Variants in FYB1 observed in about 807,000 individuals in gnomAD.
The protein encoded by FYB1 is FYN binding protein 1.
A neutral mutation model predicts 94.1 loss-of-function variants in FYB1; 41 were observed. That is an observed-to-expected ratio of 0.44 (90% CI 0.34 to 0.57). The LOEUF (loss-of-function observed/expected upper bound fraction) is 0.57. FYB1 is among the 20% of genes least tolerant of loss of function. The pLI, the probability that FYB1 is intolerant of heterozygous loss-of-function variation, is 0.02. For synonymous variants in FYB1, 367 were observed against 353.2 expected (o/e 1.04, Z -0.44); for missense variants, 1,050 against 976.8 (o/e 1.07, Z -1.00).
chr5:39,175,509 A>G (rs1451341574), intron 2 of FYB1, among the ~76,000 whole-genome samples: 6 of 152,198 alleles, frequency 3.9e-5, no homozygotes, highest in Non-Finnish European at 5.9e-5. Context: ...TCTGGGACTT[A>G]TAAAAGAGAA....
intron 1 of FYB1, chr5:39,208,748 G>A (rs965057325): frequency 1.3e-5 from 2 of 152,166 alleles, no homozygotes; most frequent in Non-Finnish European, 2.9e-5. Context: ...CAGGTTCTGT[G>A]GGGGTGATGC....
At position 39,118,915 on chromosome 5, in the gene FYB1, G is replaced by T; in HGVS notation, c.2360C>A (p.Thr787Lys). The T allele has an allele frequency of 1.3e-6, 2 of 1,552,328 alleles. No homozygotes were observed. Among genetic ancestry groups the T allele is most frequent in the Non-Finnish European group, 8.7e-7 (1 of 1,144,136 alleles). The change falls in exon 16 of 19, where the codon ACA (threonine) becomes AAA (lysine). Residue 787 changes from threonine to lysine, a missense_variant. Coordinates refer to ENST00000512982, the MANE Select transcript of FYB1 (RefSeq NM_001465.6). ...PGESLEVIQTTDDTKVLCRNE... is the reference protein window; with the variant it reads ...PGESLEVIQTKDDTKVLCRNE... ...TCTGCAGAGAACTTTTGTGTCATCT[G>T]TGGTTTGTATAACTTCTAGAGATTC...
chr5:39,209,618 C>T (rs1749177780), intron 1 of FYB1, among the ~76,000 whole-genome samples: 14 of 152,118 alleles, frequency 9.2e-5, no homozygotes, highest in Admixed American at 8.5e-4. Flanking sequence ...CGTGAGCCAC[C>T]GCACCCGGCC....
chr5:39,236,193 T>C lies in FYB1; in HGVS notation c.-27-33206A>G, dbSNP rs933556807. Among the ~76,000 whole-genome samples, 4 of 152,024 alleles carry C rather than the reference T, an allele frequency of 2.6e-5. 1 individual carries two copies. In the South Asian group the frequency reaches 8.3e-4, roughly 31 times the overall value. The stretch of plus-strand genomic sequence containing the variant: ...GTTAATGAGAAGATTAACACACCAT[T>C]TCCTTTGCTTTGAAGTTAAGGATAA... On this transcript the variant is annotated intron_variant, in intron 1 of 1. Coordinates refer to the FYB1 transcript ENST00000510188.
chr5:39,241,349 A>G (rs1751196458), intron 1 of FYB1, among the ~76,000 whole-genome samples: 2 of 152,210 alleles, frequency 1.3e-5, no homozygotes, highest in African/African-American at 2.4e-5. Context: ...ATAAGGCATC[A>G]CTACAACAGG....
chr5:39,259,329 C>T (rs1299315714), intron 1 of FYB1, among the ~76,000 whole-genome samples: 2 of 152,212 alleles, frequency 1.3e-5, no homozygotes, highest in Non-Finnish European at 1.5e-5. Context: ...TACAGCACAG[C>T]ACCAGGAGCT....
At chr5:39,189,329 C>T (rs928215950) in intron 2 of FYB1, among the ~76,000 whole-genome samples, 1 of 150,130 alleles carries the variant, frequency 6.7e-6, no homozygotes, top group Admixed American at 6.7e-5. Flanking sequence ...TTTGGGACAA[C>T]TCAGTTTCCG....
Position 39,109,893 on chromosome 5 carries a change from A to G in FYB1, c.2435+463T>C, listed in dbSNP as rs184455705. On this transcript the variant is annotated intron_variant, in intron 17 of 18. Coordinates refer to ENST00000512982, the MANE Select transcript of FYB1 (RefSeq NM_001465.6). ...TCCATAAAAGGCAACATAGTACTCT[A>G]CTATGCCTAGTGTGAGTGAAGCAAA... Among the ~76,000 whole-genome samples the G allele has an allele frequency of 1.8e-3, 273 of 152,256 alleles. 2 individuals are homozygous for G. Among genetic ancestry groups the G allele is most frequent in the African/African-American group, 6.2e-3 (259 of 41,570 alleles).
chr5:39,267,568 T>C lies in FYB1; in HGVS notation c.-28+6835A>G, dbSNP rs557226313. ...ATGGAGTTTTTTCCTTTCTTTAATA[T>C]GCTACATGGCTTTCTGCCACTTGTT... On this transcript the variant is annotated intron_variant, in intron 1 of 1. Transcript: ENST00000510188. Among the ~76,000 whole-genome samples, 148 of 152,338 alleles carry C rather than the reference T, an allele frequency of 9.7e-4. 3 individuals carry two copies. Among genetic ancestry groups the C allele is most frequent in the African/African-American group, 3.4e-3 (140 of 41,576 alleles).
intron 16 of FYB1, among the ~76,000 whole-genome samples, chr5:39,117,109 G>T (rs1739646493): frequency 6.6e-6 from 1 of 152,114 alleles, no homozygotes; most frequent in Non-Finnish European, 1.5e-5. Flanking sequence ...TTGGAAAGTA[G>T]AGGGCAGAAA....
chr5:39,180,753 G>A (rs1746147603), intron 2 of FYB1, among the ~76,000 whole-genome samples: 2 of 152,210 alleles, frequency 1.3e-5, no homozygotes, highest in South Asian at 4.1e-4. Context: ...GGCAACTTGA[G>A]AGGAGGCCAT....
intron 3 of FYB1, among the ~76,000 whole-genome samples, chr5:39,143,148 T>C (rs1742332462): frequency 1.3e-5 from 2 of 152,192 alleles, no homozygotes; most frequent in African/African-American, 4.8e-5. Flanking sequence ...CCTTCTCTTC[T>C]GAGATTCCGA....
intron 1 of FYB1, among the ~76,000 whole-genome samples, chr5:39,225,592 A>G (rs1183441382): frequency 1.3e-5 from 2 of 152,320 alleles, no homozygotes; most frequent in East Asian, 3.9e-4. Context: ...TATTCAAATA[A>G]ACTGCTAAAT....
intron 3 of FYB1, among the ~76,000 whole-genome samples, chr5:39,148,135 A>G (rs1386524815): frequency 7.9e-6 from 1 of 126,954 alleles, no homozygotes; most frequent in African/African-American, 3.0e-5. Flanking sequence ...TTATCATTAT[A>G]TGTATATTAT....
chr5:39,107,749 A>G (rs1738658218), intron 18 of FYB1, among the ~76,000 whole-genome samples: 1 of 152,006 alleles, frequency 6.6e-6, no homozygotes, highest in Non-Finnish European at 1.5e-5. Context: ...AGTCACTCTG[A>G]ACGAGGTTGA....
At chr5:39,244,690 G>C (rs991876032) in intron 1 of FYB1, among the ~76,000 whole-genome samples, 2 of 152,100 alleles carry the variant, frequency 1.3e-5, no homozygotes, top group African/African-American at 4.8e-5. Flanking sequence ...TTTTTCTATT[G>C]ATTGGAATAG....
chr5:39,204,826 C>G (rs1385232109), intron 1 of FYB1, among the ~76,000 whole-genome samples: 4 of 152,184 alleles, frequency 2.6e-5, no homozygotes, highest in Admixed American at 2.6e-4. Flanking sequence ...TAACACAGAG[C>G]AGCAAATTCC....
chr5:39,136,097 TCTCG>T (rs1383071020), intron 7 of FYB1, among the ~76,000 whole-genome samples: 11 of 151,738 alleles, frequency 7.2e-5, no homozygotes, highest in Admixed American at 4.6e-4. Context: ...TGAGATGGAG[TCTCG>T]CTCTGTTGCC....
upstream of FYB1, among the ~76,000 whole-genome samples, chr5:39,222,876 G>C (rs1750327739): frequency 6.6e-6 from 1 of 151,970 alleles, no homozygotes; most frequent in Non-Finnish European, 1.5e-5. Flanking sequence ...AATTACATTT[G>C]ATTCTCCCCT....
Sources: gnomAD v4.1 joint callset for allele counts (sites outside exome capture counted in the v4.1 genomes callset) on GRCh38, gnomAD v4.1.1 for gene constraint, MANE v1.5 for transcripts, NCBI Gene and HGNC (gene_info 2026-07-23, HGNC 2026-07-21) for gene names.